CERS3: variants seen among roughly 807,000 people sequenced by gnomAD.
The protein encoded by CERS3 is ceramide synthase 3.
A neutral mutation model predicts 50.3 loss-of-function variants in CERS3; 33 were observed. The ratio of observed to expected loss-of-function variants is 0.66; its 90% CI spans 0.50 to 0.88. CERS3 has a LOEUF of 0.88. Among genes scored for constraint, CERS3 ranks in the 40% least tolerant of loss-of-function variants. CERS3 has a pLI of 0.00. For missense variants in CERS3, 470 were observed against 460.3 expected (o/e 1.02, Z -0.19); for synonymous variants, 176 against 155.2 (o/e 1.13, Z -0.99).
At chr15:100,477,100 C>G (rs1318869673) in intron 7 of CERS3, among the ~76,000 whole-genome samples, 5 of 152,138 alleles carry the variant, frequency 3.3e-5, no homozygotes, top group Admixed American at 2.0e-4. Flanking sequence ...GAAACACTGC[C>G]TAGCTGAGCC....
intron 11 of CERS3, among the ~76,000 whole-genome samples, chr15:100,413,879 T>C (rs56319316): frequency 3.8e-4 from 50 of 130,104 alleles, no homozygotes; most frequent in African/African-American, 1.4e-3. Context: ...CCTCCCAAAA[T>C]TGAATCAGGA....
chr15:100,525,848 T>A (rs7179325), intron 1 of CERS3, among the ~76,000 whole-genome samples: 2 of 152,004 alleles, frequency 1.3e-5, no homozygotes, highest in Non-Finnish European at 2.9e-5. Context: ...GTCCCACTAC[T>A]TTAGAATGCC....
chr15:100,423,794 T>C (rs534806685), intron 11 of CERS3, among the ~76,000 whole-genome samples: 1 of 152,154 alleles, frequency 6.6e-6, no homozygotes, highest in African/African-American at 2.4e-5. Context: ...ACTCCAGCCA[T>C]GTAAGATGTG....
At chr15:100,452,161 C>T (rs1327642327) in intron 11 of CERS3, among the ~76,000 whole-genome samples, 1 of 150,450 alleles carries the variant, frequency 6.6e-6, no homozygotes, top group African/African-American at 2.5e-5. Context: ...CATCCAATGG[C>T]TATAGAATAC....
intron 11 of CERS3, among the ~76,000 whole-genome samples, chr15:100,423,097 T>G (rs3079225): frequency 6.8e-6 from 1 of 147,544 alleles, no homozygotes; most frequent in African/African-American, 2.6e-5. Flanking sequence ...AAAAAAAAAA[T>G]GTTAAAAAAA....
intron 1 of CERS3, among the ~76,000 whole-genome samples, chr15:100,542,741 A>G (rs79784715): frequency 2.9e-3 from 448 of 152,332 alleles, no homozygotes; most frequent in Non-Finnish European, 5.2e-3. Context: ...CACAATAAAT[A>G]CATGTTATAT....
chr15:100,469,614 G>T, intron 9 of CERS3, 130 bp from the exon 10 acceptor site: 1 of 635,508 alleles, frequency 1.6e-6, no homozygotes, highest in Non-Finnish European at 2.8e-6. Context: ...GGGGGTACAG[G>T]TGGGGCAATA....
At chr15:100,480,868 G>T (rs1398353065) in intron 5 of CERS3, among the ~76,000 whole-genome samples, 1 of 152,158 alleles carries the variant, frequency 6.6e-6, no homozygotes. Flanking sequence ...GAGGTGTAGT[G>T]GGGATAGAGA....
chr15:100,510,173 G>A (rs930633836), intron 2 of CERS3, among the ~76,000 whole-genome samples: 13 of 152,050 alleles, frequency 8.5e-5, no homozygotes, highest in Middle Eastern at 3.4e-3. Context: ...ACATGAAGAA[G>A]ACAATGCAAA....
At chr15:100,406,268 A>C (rs903142735) in intron 11 of CERS3, among the ~76,000 whole-genome samples, 3 of 152,216 alleles carry the variant, frequency 2.0e-5, no homozygotes, top group Admixed American at 1.3e-4. Context: ...CCCAGCTTAG[A>C]AAAGAAAAAA....
chr15:100,515,926 C>T (rs1042007213), intron 2 of CERS3, among the ~76,000 whole-genome samples: 2 of 152,190 alleles, frequency 1.3e-5, no homozygotes, highest in Admixed American at 6.5e-5. Flanking sequence ...TCTCCTCCCT[C>T]GCCTGGTGAG....
chr15:100,529,597 G>A (rs2036889188), upstream of CERS3, among the ~76,000 whole-genome samples: 1 of 152,210 alleles, frequency 6.6e-6, no homozygotes, highest in South Asian at 2.1e-4. Flanking sequence ...TTGTCTCTGT[G>A]TGCTTGAACC....
At chr15:100,525,591 A>G (rs2036763373) in intron 1 of CERS3, among the ~76,000 whole-genome samples, 1 of 152,234 alleles carries the variant, frequency 6.6e-6, no homozygotes, top group Non-Finnish European at 1.5e-5. Flanking sequence ...CCATCAACAG[A>G]AAGCCCTGTG....
At chr15:100,434,138 C>T (rs979779972) in intron 11 of CERS3, among the ~76,000 whole-genome samples, 2 of 152,236 alleles carry the variant, frequency 1.3e-5, no homozygotes, top group Non-Finnish European at 2.9e-5. Flanking sequence ...TTTCCAGGCT[C>T]AGACTGAAGA....
At chr15:100,520,971 C>T (rs2036622436) in intron 2 of CERS3, among the ~76,000 whole-genome samples, 1 of 152,178 alleles carries the variant, frequency 6.6e-6, no homozygotes, top group South Asian at 2.1e-4. Flanking sequence ...AACAACTGTA[C>T]ATACCACAGC....
At chr15:100,441,855 C>A (rs1260866900) in intron 11 of CERS3, among the ~76,000 whole-genome samples, 1 of 152,024 alleles carries the variant, frequency 6.6e-6, no homozygotes, top group South Asian at 2.1e-4. Context: ...TTCTTTCCCT[C>A]CCGCCTGTCC....
chr15:100,414,012 T>C (rs567540386), intron 11 of CERS3, among the ~76,000 whole-genome samples: 4 of 152,174 alleles, frequency 2.6e-5, no homozygotes, highest in Admixed American at 2.6e-4. Context: ...TTCTACCAGA[T>C]GTATGAAGAA....
rs1335617514 is a variant in CERS3, at chr15:100,483,784, A to ATTTTT, written c.407+765_407+766insAAAAA. 5.3e-3 allele frequency among the ~76,000 whole-genome samples: 471 copies of ATTTTT among 89,322 alleles called. 5 individuals carry two copies. The highest frequency in any genetic ancestry group is 0.019 in the African/African-American group (409 of 21,400). The allele number at this position is 89,322 out of a possible 152,430, so 58.6% of individuals were successfully genotyped here. ...ATCAATAATAATAATAATTATTATTATTATTTTTTTTTTTGAGACAGAGTC... is the reference window on the plus strand; with the variant it reads ...ATCAATAATAATAATAATTATTATTATTTTTTTATTTTTTTTTTTGAGACAGAGTC... On this transcript the variant is annotated intron_variant, in intron 5 of 11. Coordinates refer to ENST00000679737, the MANE Select transcript of CERS3 (RefSeq NM_001378789.1).
intron 2 of CERS3, among the ~76,000 whole-genome samples, chr15:100,518,254 T>TGA (rs3084775): frequency 0.63 from 95,843 of 151,622 alleles, 30,468 homozygotes; most frequent in Admixed American, 0.73. Flanking sequence ...ACAGAATGAC[T>TGA]GAGACAGAGA....
Sources: gnomAD v4.1 joint callset for allele counts (sites outside exome capture counted in the v4.1 genomes callset) on GRCh38, gnomAD v4.1.1 for gene constraint, MANE v1.5 for transcripts, NCBI Gene and HGNC (gene_info 2026-07-23, HGNC 2026-07-21) for gene names.